Variants in ALK observed in about 807,000 individuals in gnomAD.
ALK encodes ALK receptor tyrosine kinase.
A neutral mutation model predicts 163.1 loss-of-function variants in ALK; 74 were observed. The observed-to-expected ratio is 0.45, with a 90% confidence interval of 0.38 to 0.55. ALK has a LOEUF of 0.55. Ranked by LOEUF, ALK falls within the 20% of genes least tolerant of loss-of-function variation. The pLI, the probability that ALK is intolerant of heterozygous loss-of-function variation, is 0.00. For synonymous variants in ALK, 960 were observed against 843.2 expected (o/e 1.14, Z -2.40); for missense variants, 2,063 against 2,105.3 (o/e 0.98, Z 0.39).
chr2:29,400,396 C>A (rs1391407282), intron 4 of ALK, among the ~76,000 whole-genome samples: 2 of 152,138 alleles, frequency 1.3e-5, no homozygotes, highest in East Asian at 3.9e-4. Flanking sequence ...GAGATCCATG[C>A]TCTTGAGTGA....
intron 1 of ALK, among the ~76,000 whole-genome samples, chr2:29,843,852 G>A (rs952313091): frequency 3.3e-5 from 5 of 152,152 alleles, no homozygotes; most frequent in Non-Finnish European, 7.3e-5. Context: ...TTACTACTGA[G>A]CACTTACTGT....
At chr2:29,752,640 G>A (rs977609207) in intron 1 of ALK, among the ~76,000 whole-genome samples, 2 of 152,042 alleles carry the variant, frequency 1.3e-5, no homozygotes, top group South Asian at 2.1e-4. Context: ...GAGCCACCGC[G>A]CCCGGCCGAC....
At chr2:29,254,070 T>C (rs1228729827) in intron 11 of ALK, among the ~76,000 whole-genome samples, 3 of 152,196 alleles carry the variant, frequency 2.0e-5, no homozygotes, top group Non-Finnish European at 4.4e-5. Context: ...GATGGCTTTG[T>C]AAGGGGCTTC....
intron 4 of ALK, among the ~76,000 whole-genome samples, chr2:29,512,903 T>C (rs1219824055): frequency 7.2e-6 from 1 of 138,534 alleles, no homozygotes; most frequent in Non-Finnish European, 1.6e-5. Flanking sequence ...TCACAATTGC[T>C]TCAAAGAGAA....
At chr2:29,664,986 C>CT (rs139040563) in intron 3 of ALK, among the ~76,000 whole-genome samples, 7 of 149,592 alleles carry the variant, frequency 4.7e-5, no homozygotes, top group Non-Finnish European at 8.9e-5. Flanking sequence ...AAAATACATC[C>CT]TTTTTTTTCT....
intron 6 of ALK, among the ~76,000 whole-genome samples, chr2:29,321,910 A>C (rs7561975): frequency 0.6 from 91,819 of 152,146 alleles, 30,380 homozygotes; most frequent in East Asian, 0.85. Context: ...AAGAGGTGAC[A>C]GTCAGCTTTC....
intron 3 of ALK, among the ~76,000 whole-genome samples, chr2:29,599,978 G>A (rs1470047681): frequency 1.3e-5 from 2 of 152,112 alleles, no homozygotes; most frequent in African/African-American, 4.8e-5. Context: ...GGGGTGATGT[G>A]ATTACCCATG....
rs975216434 is a variant in ALK, at chr2:29,246,205, A to C, written c.2204+4900T>G. 2.7e-5 allele frequency among the ~76,000 whole-genome samples: 4 copies of C among 146,752 alleles called. No individual in the cohort carries two copies. Among genetic ancestry groups the C allele is most frequent in the African/African-American group, 1.0e-4 (4 of 39,224 alleles). On this transcript the variant is annotated intron_variant, in intron 12 of 28. Coordinates refer to ENST00000389048, the MANE Select transcript of ALK (RefSeq NM_004304.5). The surrounding 1 kb of genome is among the most constrained non-coding windows in gnomAD (Gnocchi z 4.3). ...GCTGGTCCTAGACAGGTAGGAAGGC[A>C]GGCAGGCTGGAGGGGGAGAGAGGGA...
intron 4 of ALK, among the ~76,000 whole-genome samples, chr2:29,500,132 T>C (rs1369061215): frequency 6.6e-6 from 1 of 150,950 alleles, no homozygotes; most frequent in Non-Finnish European, 1.5e-5. Context: ...TGATATGGTT[T>C]GGATCTGTGT....
At chr2:29,882,952 T>G (rs544154000) in intron 1 of ALK, among the ~76,000 whole-genome samples, 1 of 152,290 alleles carries the variant, frequency 6.6e-6, no homozygotes, top group East Asian at 1.9e-4. Context: ...ACTCTACCTA[T>G]TACTCTAATG....
Position 29,412,097 on chromosome 2 carries a change from G to C in ALK, c.1155-28238C>G, listed in dbSNP as rs578001811. ...TATGTCCAGGTAGTAGGCCTGAAGAGCTGCTATAACTCTTTGATCCATTGG... is the reference window on the plus strand; with the variant it reads ...TATGTCCAGGTAGTAGGCCTGAAGACCTGCTATAACTCTTTGATCCATTGG... On this transcript the variant is annotated intron_variant, in intron 4 of 28. Transcript: ENST00000389048. Among the ~76,000 whole-genome samples, 4 of 152,324 alleles carry C rather than the reference G, an allele frequency of 2.6e-5. No individual in the cohort carries two copies. In the South Asian group the frequency reaches 6.2e-4, roughly 24 times the overall value.
intron 4 of ALK, among the ~76,000 whole-genome samples, chr2:29,478,354 C>A (rs749796876): frequency 3.0e-4 from 46 of 152,222 alleles, no homozygotes; most frequent in Non-Finnish European, 6.0e-4. Context: ...GGCTTTGCAG[C>A]CCCAGAACAG....
intron 3 of ALK, among the ~76,000 whole-genome samples, chr2:29,653,525 A>G (rs188096644): frequency 6.6e-6 from 1 of 152,168 alleles, no homozygotes; most frequent in East Asian, 1.9e-4. Flanking sequence ...ACTTAATTTG[A>G]ACGTTAGTTT....
intron 3 of ALK, among the ~76,000 whole-genome samples, chr2:29,646,184 T>C (rs1295845637): frequency 6.6e-6 from 1 of 152,142 alleles, no homozygotes; most frequent in African/African-American, 2.4e-5. Context: ...TGTAGTCATT[T>C]CTAACCCCAA....
chr2:29,366,285 C>T (rs1668505669), intron 5 of ALK, among the ~76,000 whole-genome samples: 1 of 152,050 alleles, frequency 6.6e-6, no homozygotes, highest in African/African-American at 2.4e-5. Context: ...CCTGCAGGAG[C>T]AACAAGGTGG....
intron 5 of ALK, among the ~76,000 whole-genome samples, chr2:29,347,501 C>T (rs979698052): frequency 3.9e-5 from 6 of 152,158 alleles, no homozygotes; most frequent in Admixed American, 1.3e-4. Flanking sequence ...AGCAGTCTGC[C>T]GTTGAGACCT....
intron 5 of ALK, among the ~76,000 whole-genome samples, chr2:29,342,840 C>T (rs911641990): frequency 6.6e-6 from 1 of 150,848 alleles, no homozygotes; most frequent in Non-Finnish European, 1.5e-5. Context: ...GTGACGAAGC[C>T]TCTGAGCTAA....
chr2:29,552,390 A>T (rs116475871), intron 3 of ALK, among the ~76,000 whole-genome samples: 1,553 of 152,228 alleles, frequency 0.01, 15 homozygotes, highest in Non-Finnish European at 0.016. Flanking sequence ...GGGTCATGTG[A>T]TACTTCTATG....
At chr2:29,562,315 T>C (rs1242876433) in intron 3 of ALK, among the ~76,000 whole-genome samples, 5 of 152,250 alleles carry the variant, frequency 3.3e-5, no homozygotes, top group African/African-American at 1.2e-4. Flanking sequence ...TAGCCCCTTT[T>C]CACATGAGAG....
Sources: gnomAD v4.1 joint callset for allele counts (sites outside exome capture counted in the v4.1 genomes callset) on GRCh38, gnomAD v4.1.1 for gene constraint, Gnocchi (gnomAD v3.1) non-coding constraint, MANE v1.5 for transcripts, NCBI Gene and HGNC (gene_info 2026-07-23, HGNC 2026-07-21) for gene names.